Variants in BOLA3 observed in about 807,000 individuals in gnomAD.
BOLA3 encodes bolA-like protein 3.
BOLA3 carries 8 observed loss-of-function variants against 14.5 expected under a neutral mutation model. That is an observed-to-expected ratio of 0.55 (90% CI 0.32 to 0.99). BOLA3 has a LOEUF of 0.99. BOLA3 is among the 50% of genes least tolerant of loss of function. BOLA3 has a pLI of 0.04. For missense variants in BOLA3, 115 were observed against 138.2 expected (o/e 0.83, Z 0.84); for synonymous variants, 42 against 45.7 (o/e 0.92, Z 0.33).
At chr2:74,140,350 A>G (rs1175345168) in intron 3 of BOLA3, among the ~76,000 whole-genome samples, 3 of 152,216 alleles carry the variant, frequency 2.0e-5, no homozygotes, top group Non-Finnish European at 4.4e-5. Flanking sequence ...TCTCCAAAAC[A>G]GAATGCCTTT....
At chr2:74,136,517 C>T (rs960065620) in intron 3 of BOLA3, among the ~76,000 whole-genome samples, 1 of 151,994 alleles carries the variant, frequency 6.6e-6, no homozygotes, top group East Asian at 1.9e-4. Context: ...TTATGTGTGG[C>T]CCAAGAGAAT....
At chr2:74,140,858 G>T (rs1479802096) in intron 3 of BOLA3, among the ~76,000 whole-genome samples, 1 of 152,240 alleles carries the variant, frequency 6.6e-6, no homozygotes, top group Non-Finnish European at 1.5e-5. Flanking sequence ...CTGAGGCAAA[G>T]GGTGAGGTTG....
intron 1 of BOLA3, chr2:74,147,403 G>A: frequency 3.9e-6 from 1 of 254,944 alleles, no homozygotes; most frequent in Non-Finnish European, 7.5e-6. Flanking sequence ...GGATTTGGAG[G>A]AGGATCAAGG....
intron 2 of BOLA3, among the ~76,000 whole-genome samples, chr2:74,144,193 A>AT (rs1692498393): frequency 2.7e-5 from 3 of 112,456 alleles, no homozygotes; most frequent in African/African-American, 1.2e-4. Flanking sequence ...TTTAGTAGAG[A>AT]CGGGGGGGTT....
At chr2:74,135,943 T>G (rs1035528265) in intron 3 of BOLA3, among the ~76,000 whole-genome samples, 1 of 143,374 alleles carries the variant, frequency 7.0e-6, no homozygotes, top group Non-Finnish European at 1.5e-5. Flanking sequence ...TAGTTTCTTG[T>G]GTATCTTTTT....
intron 2 of BOLA3, 151 bp downstream of exon 2, chr2:74,145,037 TG>T: frequency 1.5e-6 from 1 of 672,480 alleles, no homozygotes; most frequent in Non-Finnish European, 2.8e-6. Flanking sequence ...TCCCATGAGG[TG>T]GGGGCAGCCG....
At chr2:74,145,618 A>T (rs1258337266) in intron 1 of BOLA3, 2 of 390,626 alleles carry the variant, frequency 5.1e-6, no homozygotes, top group Non-Finnish European at 9.8e-6. Context: ...TTATGCCGAT[A>T]GTTTTATAGG....
intron 3 of BOLA3, among the ~76,000 whole-genome samples, chr2:74,136,519 C>T (rs1234690832): frequency 6.6e-6 from 1 of 152,026 alleles, no homozygotes; most frequent in Non-Finnish European, 1.5e-5. Flanking sequence ...ATGTGTGGCC[C>T]AAGAGAATTC....
intron 3 of BOLA3, among the ~76,000 whole-genome samples, chr2:74,140,845 A>C (rs1692425525): frequency 6.6e-6 from 1 of 152,232 alleles, no homozygotes. Flanking sequence ...CTCAATTAGG[A>C]AACTGAGGCA....
rs143492730 is a variant in BOLA3 at position 74,145,222 on chromosome 2, G to A, written c.136C>T (p.Arg46Ter). The A allele has an allele frequency of 8.6e-5, 139 of 1,607,150 alleles. No homozygotes were observed. The highest frequency in any genetic ancestry group is 9.5e-5 in the Non-Finnish European group (112 of 1,173,742). ...TCAGTGACTTTTATAGCTGTAGCTC[G>A]TGGAAACTTTTCTTTGAGAATTTGG... ...VTQILKEKFP[R>*]ATAIKVTDIS... Residue 46 changes from arginine (R) to a stop codon, truncating the protein, a stop_gained, in exon 2 of 4, where the codon CGA becomes TGA. Coordinates refer to ENST00000327428, the MANE Select transcript of BOLA3 (RefSeq NM_212552.3). LOFTEE classifies it high-confidence loss of function.
In BOLA3 at chr2:74,145,497, C is replaced by T. The variant is rs193190013; in HGVS notation, c.55-194G>A. On this transcript the variant is annotated intron_variant, in intron 1 of 3. Transcript: ENST00000327428. ...TAAGTGCCCCAAAACACAGAATAAA[C>T]TTTTATTGGCGGGGACAGGATGATT... 482 of 608,266 alleles carry T rather than the reference C, an allele frequency of 7.9e-4. 1 individual carries two copies. The highest frequency in any genetic ancestry group is 2.3e-3 in the South Asian group (126 of 53,706). 37.7% of individuals were successfully genotyped at this position (608,266 alleles called of 1,614,324 possible).
chr2:74,143,975 G>T (rs1248928440), intron 2 of BOLA3, among the ~76,000 whole-genome samples: 1 of 146,268 alleles, frequency 6.8e-6, no homozygotes, highest in East Asian at 2.0e-4. Context: ...TGGGATTACA[G>T]ACATGAGCCA....
intron 2 of BOLA3, 52 bp from the exon 3 acceptor site, chr2:74,142,412 T>C: frequency 7.5e-7 from 1 of 1,340,530 alleles, no homozygotes; most frequent in Non-Finnish European, 1.1e-6. Context: ...ATGGCAGCCA[T>C]GGTCCCATAT....
At chr2:74,138,366 G>T (rs1692372569) in intron 3 of BOLA3, among the ~76,000 whole-genome samples, 1 of 152,260 alleles carries the variant, frequency 6.6e-6, no homozygotes, top group African/African-American at 2.4e-5. Context: ...TGGGCTGAAT[G>T]TGGGCAGCAG....
chr2:74,143,807 C>T lies in BOLA3; in HGVS notation c.169+1382G>A, dbSNP rs552248575. ...GTTCAAGCGATTCTCCTGCCTCAGC[C>T]TCCTGAGTAGCTGGGATTACAGGTG... On this transcript the variant is annotated intron_variant, in intron 2 of 3. Coordinates refer to ENST00000327428, the MANE Select transcript of BOLA3 (RefSeq NM_212552.3). Among the ~76,000 whole-genome samples the T allele has an allele frequency of 1.6e-4, 25 of 152,096 alleles. No individual in the cohort carries two copies. In the East Asian group the frequency reaches 4.4e-3, roughly 27 times the overall value.
At chr2:74,143,406 G>A (rs1311818364) in intron 2 of BOLA3, among the ~76,000 whole-genome samples, 1 of 152,058 alleles carries the variant, frequency 6.6e-6, no homozygotes, top group Non-Finnish European at 1.5e-5. Flanking sequence ...TGATCCACCC[G>A]CCTCGGCCTC....
At chr2:74,138,391 C>T (rs186151348) in intron 3 of BOLA3, among the ~76,000 whole-genome samples, 45 of 152,394 alleles carry the variant, frequency 3.0e-4, no homozygotes, top group Non-Finnish European at 5.6e-4. Context: ...CTGCCAGACT[C>T]AAGCCAGCAC....
intron 2 of BOLA3, 30 bp downstream of exon 2, chr2:74,145,159 G>C (rs1371583155): frequency 2.4e-6 from 3 of 1,260,250 alleles, no homozygotes; most frequent in African/African-American, 1.5e-5. Context: ...TCTTATCCAA[G>C]CGCCGTAGGA....
At chr2:74,140,414 C>T (rs75111081) in intron 3 of BOLA3, among the ~76,000 whole-genome samples, 18 of 152,366 alleles carry the variant, frequency 1.2e-4, no homozygotes, top group South Asian at 6.2e-4. Flanking sequence ...CACAAGCCAA[C>T]TCTCCTCACT....
Sources: gnomAD v4.1 joint callset for allele counts (sites outside exome capture counted in the v4.1 genomes callset) on GRCh38, gnomAD v4.1.1 for gene constraint, MANE v1.5 for transcripts, NCBI Gene and HGNC (gene_info 2026-07-23, HGNC 2026-07-21) for gene names.